RNF144A: variants seen among roughly 807,000 people sequenced by gnomAD.
The protein encoded by RNF144A is ring finger protein 144A.
RNF144A carries 11 observed loss-of-function variants against 38.7 expected under a neutral mutation model. The ratio of observed to expected loss-of-function variants is 0.28; its 90% CI spans 0.18 to 0.47. The LOEUF (loss-of-function observed/expected upper bound fraction) is 0.47. Ranked by LOEUF, RNF144A falls within the 20% of genes least tolerant of loss-of-function variation. The probability of loss-of-function intolerance (pLI) is 0.99; values close to 1 mark genes in which losing one functional copy is unlikely to be tolerated. For synonymous variants in RNF144A, 149 were observed against 143.9 expected (o/e 1.04, Z -0.25); for missense variants, 316 against 377.2 (o/e 0.84, Z 1.34).
chr2:7,004,621 A>G (rs1670323209), intron 3 of RNF144A, among the ~76,000 whole-genome samples: 1 of 152,188 alleles, frequency 6.6e-6, no homozygotes, highest in Non-Finnish European at 1.5e-5. Context: ...GCCTGACATC[A>G]TCTGGTCCCT....
intron 2 of RNF144A, among the ~76,000 whole-genome samples, chr2:6,957,710 G>T (rs933117140): frequency 1.3e-5 from 2 of 152,222 alleles, no homozygotes; most frequent in African/African-American, 2.4e-5. Flanking sequence ...TGAGCCCTCT[G>T]GTTCTAGGCC....
intron 8 of RNF144A, among the ~76,000 whole-genome samples, chr2:7,030,997 T>C (rs545545082): frequency 1.3e-5 from 2 of 152,124 alleles, no homozygotes; most frequent in Non-Finnish European, 2.9e-5. Context: ...GAGAGTCTAA[T>C]GTCGCTGCTG....
At chr2:6,968,994 C>G (rs1370054300) in intron 2 of RNF144A, among the ~76,000 whole-genome samples, 2 of 152,196 alleles carry the variant, frequency 1.3e-5, no homozygotes, top group East Asian at 3.9e-4. Flanking sequence ...AGGGTGCACC[C>G]TGGTATACCG....
intron 2 of RNF144A, 132 bp from the exon 3 acceptor site, chr2:6,996,784 G>T: frequency 1.2e-6 from 1 of 860,228 alleles, no homozygotes; most frequent in Non-Finnish European, 1.8e-6. Context: ...AGAACATCCA[G>T]ATGCTCTAGG....
At chr2:6,920,854 AG>A (rs1332545383) in intron 1 of RNF144A, among the ~76,000 whole-genome samples, 1 of 152,198 alleles carries the variant, frequency 6.6e-6, no homozygotes, top group East Asian at 1.9e-4. Flanking sequence ...GTGGGGCTGA[AG>A]GATAGAGCTT....
chr2:6,981,237 C>T (rs1273485868), intron 2 of RNF144A, among the ~76,000 whole-genome samples: 1 of 152,204 alleles, frequency 6.6e-6, no homozygotes, highest in African/African-American at 2.4e-5. Context: ...GTTATTTATG[C>T]AAATTTCTGC....
intron 2 of RNF144A, among the ~76,000 whole-genome samples, chr2:6,985,951 G>C (rs548183395): frequency 2.2e-4 from 33 of 152,284 alleles, no homozygotes; most frequent in Non-Finnish European, 1.5e-4. Context: ...TAGGATTACA[G>C]GCGTGAGCCA....
In RNF144A at chr2:6,958,687, C is replaced by T. The variant is rs560444216; in HGVS notation, c.-12+17540C>T. 2.6e-5 allele frequency among the ~76,000 whole-genome samples: 4 copies of T among 152,214 alleles called. No individual in the cohort carries two copies. The highest frequency in any genetic ancestry group is 7.2e-5 in the African/African-American group (3 of 41,526). ...GATTCTGGGGGACTGTCCACGTGAC[C>T]GTAATCTATTTCCCAGAGGGTCCCA... On this transcript the variant is annotated intron_variant, in intron 2 of 8. Coordinates refer to ENST00000320892, the MANE Select transcript of RNF144A (RefSeq NM_014746.6). This position sits in a 1 kb window ranked among gnomAD's most constrained non-coding sequence, Gnocchi z 4.5.
In RNF144A at chr2:6,941,680, A is replaced by T. The variant is rs1665990856; in HGVS notation, c.-12+533A>T. Among the ~76,000 whole-genome samples, 1 of 152,262 alleles carries T rather than the reference A, an allele frequency of 6.6e-6. No homozygotes were observed. Among genetic ancestry groups the T allele is most frequent in the Admixed American group, 6.5e-5 (1 of 15,288 alleles). On this transcript the variant is annotated intron_variant, in intron 2 of 8. Coordinates refer to ENST00000320892, the MANE Select transcript of RNF144A (RefSeq NM_014746.6). This position sits in a 1 kb window ranked among gnomAD's most constrained non-coding sequence, Gnocchi z 6.5. ...ATATTGTAGAGAAAAGAAAAAGTAG[A>T]CCATGTCTAGTACGACGGGGCAGGT...
At chr2:7,052,204 C>T (rs1468652647) in intron 6 of RNF144A, among the ~76,000 whole-genome samples, 4 of 152,082 alleles carry the variant, frequency 2.6e-5, no homozygotes, top group Admixed American at 6.5e-5. Flanking sequence ...AAACGCTGGC[C>T]GTGGCAAACA....
chr2:6,920,237 G>C (rs1572180840), intron 1 of RNF144A, among the ~76,000 whole-genome samples: 1 of 152,294 alleles, frequency 6.6e-6, no homozygotes, highest in African/African-American at 2.4e-5. Flanking sequence ...TTCCCTCTGG[G>C]GGTAGAGATG....
chr2:6,924,079 G>A (rs1315729626), intron 1 of RNF144A, among the ~76,000 whole-genome samples: 1 of 152,182 alleles, frequency 6.6e-6, no homozygotes, highest in Non-Finnish European at 1.5e-5. Flanking sequence ...ATCATGATCC[G>A]AGTAAACCAG....
chr2:7,069,787 A>G (rs1192243180), downstream of RNF144A, among the ~76,000 whole-genome samples: 2 of 152,226 alleles, frequency 1.3e-5, no homozygotes, highest in East Asian at 1.9e-4. Flanking sequence ...AAAGCCCTCA[A>G]TAAGGTGGTA....
At chr2:7,009,684 C>T (rs1216180449) in intron 3 of RNF144A, among the ~76,000 whole-genome samples, 3 of 152,182 alleles carry the variant, frequency 2.0e-5, no homozygotes, top group South Asian at 4.1e-4. Flanking sequence ...TTCCCAGGGC[C>T]ATCCAGTGAG....
chr2:7,073,647 G>T, the RNF144A span, among the ~76,000 whole-genome samples: 1 of 152,230 alleles, frequency 6.6e-6, no homozygotes, highest in Admixed American at 6.5e-5. Flanking sequence ...TGTTATTTCA[G>T]TGAAAAGTAA....
chr2:6,937,265 G>A (rs1035231587), intron 1 of RNF144A, among the ~76,000 whole-genome samples: 1 of 152,184 alleles, frequency 6.6e-6, no homozygotes, highest in African/African-American at 2.4e-5. Context: ...CACTTCATTA[G>A]CGCCCATTTG....
Position 7,024,399 on chromosome 2 carries a change from G to A in RNF144A, c.540G>A (p.Ala180=), listed in dbSNP as rs200188493. The A allele has an allele frequency of 3.3e-5, 53 of 1,609,308 alleles. No homozygotes were observed. The highest frequency in any genetic ancestry group is 7.7e-5 in the South Asian group (7 of 91,000). Residue 180 remains alanine (A), a synonymous_variant, in exon 7 of 9, where the codon GCG becomes GCA. Transcript: ENST00000320892. ...CTTTCAAAATGGAAGAAGATGACGC[G>A]CCCATCAAGCGCTGCCCCAAGTGCA... ...SAAFKMEEDD[A]PIKRCPKCKV...
At chr2:6,946,438 A>G (rs878924436) in intron 2 of RNF144A, among the ~76,000 whole-genome samples, 1 of 152,146 alleles carries the variant, frequency 6.6e-6, no homozygotes, top group African/African-American at 2.4e-5. Flanking sequence ...GTTGTGTTTC[A>G]TAATTTATCT....
At chr2:7,072,628 T>C (rs993474011), downstream of RNF144A, among the ~76,000 whole-genome samples, 9 of 152,216 alleles carry the variant, frequency 5.9e-5, no homozygotes, top group African/African-American at 1.9e-4. Context: ...CACAGAATAT[T>C]ACTGATTTAT....
Sources: gnomAD v4.1 joint callset for allele counts (sites outside exome capture counted in the v4.1 genomes callset) on GRCh38, gnomAD v4.1.1 for gene constraint, Gnocchi (gnomAD v3.1) non-coding constraint, MANE v1.5 for transcripts, NCBI Gene and HGNC (gene_info 2026-07-23, HGNC 2026-07-21) for gene names.